The following CCND3 variants were observed in gnomAD, a reference collection of about 807,000 sequenced individuals.
The protein encoded by CCND3 is cyclin D3.
A neutral mutation model predicts 28.7 loss-of-function variants in CCND3; 9 were observed. The ratio of observed to expected loss-of-function variants is 0.31; its 90% CI spans 0.19 to 0.55. CCND3 has a LOEUF of 0.55. Ranked by LOEUF, CCND3 falls within the 20% of genes least tolerant of loss-of-function variation. The pLI is 0.93. For synonymous variants in CCND3, 164 were observed against 163.9 expected (o/e 1.00, Z 0.00); for missense variants, 315 against 385.8 (o/e 0.82, Z 1.54).
In CCND3 at chr6:41,953,952, T is replaced by A. The variant is rs145502029; in HGVS notation, c.-45-13367A>T. ...GTTTGAAAAAAAAATAAATCTCATTTAAAAAAAATTTTTGGTGGCCGGGGG... is the reference window on the plus strand; with the variant it reads ...GTTTGAAAAAAAAATAAATCTCATTAAAAAAAAATTTTTGGTGGCCGGGGG... On this transcript the variant is annotated intron_variant, in intron 1 of 4. Transcript: ENST00000372988. Among the ~76,000 whole-genome samples the A allele has an allele frequency of 4.6e-5, 7 of 151,924 alleles. No homozygotes were observed. The East Asian group carries it at 1.4e-3, about 29-fold the overall frequency.
chr6:41,993,412 T>TC (rs1554164269), intron 1 of CCND3, among the ~76,000 whole-genome samples: 2 of 30,246 alleles, frequency 6.6e-5, no homozygotes, highest in African/African-American at 9.2e-5. Flanking sequence ...CATGTCTTCT[T>TC]TTTTTTTTTT....
At chr6:41,974,918 G>C (rs566428095) in intron 1 of CCND3, among the ~76,000 whole-genome samples, 124 of 148,694 alleles carry the variant, frequency 8.3e-4, no homozygotes, top group Non-Finnish European at 1.5e-3. Context: ...TCAGCCTCCC[G>C]AGTAGGTGGG....
At position 42,046,805 on chromosome 6, in the gene CCND3, C is replaced by T. The variant is rs550148796; in HGVS notation, c.-46+1696G>A. Among the ~76,000 whole-genome samples the T allele has an allele frequency of 5.3e-5, 8 of 152,332 alleles. No individual in the cohort carries two copies. In the South Asian group the frequency reaches 1.7e-3, roughly 32 times the overall value. ...ATCATCCAAGATACAGGACCACAGA[C>T]TCCCTTTAGGAAACTCCTAAGTTCC... On this transcript the variant is annotated intron_variant, in intron 1 of 4. Coordinates refer to the CCND3 transcript ENST00000372988.
intron 1 of CCND3, among the ~76,000 whole-genome samples, chr6:41,968,736 A>G (rs964704534): frequency 6.6e-6 from 1 of 152,208 alleles, no homozygotes; most frequent in Non-Finnish European, 1.5e-5. Flanking sequence ...ATTTCATTTC[A>G]AAATCTAAAT....
intron 1 of CCND3, among the ~76,000 whole-genome samples, chr6:41,983,261 C>T (rs1185193512): frequency 1.3e-5 from 2 of 151,616 alleles, no homozygotes; most frequent in African/African-American, 4.8e-5. Context: ...GCCTGTAATC[C>T]CAGCTACTCG....
At chr6:41,956,429 C>T (rs1333947394) in intron 1 of CCND3, among the ~76,000 whole-genome samples, 1 of 152,206 alleles carries the variant, frequency 6.6e-6, no homozygotes, top group Non-Finnish European at 1.5e-5. Context: ...CCTCCATTAC[C>T]AACCTGGCCA....
At chr6:42,041,685 A>T (rs1448046523) in intron 1 of CCND3, among the ~76,000 whole-genome samples, 3 of 152,202 alleles carry the variant, frequency 2.0e-5, no homozygotes, top group African/African-American at 7.2e-5. Context: ...CACTTGCCAG[A>T]GTAGAATAAA....
chr6:41,975,344 C>A (rs1023575259), intron 1 of CCND3, among the ~76,000 whole-genome samples: 3 of 152,146 alleles, frequency 2.0e-5, no homozygotes, highest in African/African-American at 7.2e-5. Flanking sequence ...TCTGTGGCTG[C>A]ATGGGTGGTG....
chr6:41,937,076 G>C (rs568275096), intron 3 of CCND3, 159 bp downstream of exon 3: 1 of 768,946 alleles, frequency 1.3e-6, no homozygotes, highest in African/African-American at 1.7e-5. Flanking sequence ...CCATATAGCT[G>C]ATTATAACCT....
upstream of CCND3, among the ~76,000 whole-genome samples, chr6:41,943,911 T>C (rs1262445613): frequency 6.6e-6 from 1 of 152,236 alleles, no homozygotes; most frequent in Non-Finnish European, 1.5e-5. Context: ...CTTATTGACT[T>C]ATAAGTTCTC....
Position 41,941,764 on chromosome 6 carries a change from T to G in CCND3, c.-115A>C. On this transcript the variant is annotated 5_prime_UTR_variant, in exon 1 of 5. Coordinates refer to ENST00000372991, the MANE Select transcript of CCND3 (RefSeq NM_001760.5). The surrounding 1 kb of genome is among the most constrained non-coding windows in gnomAD (Gnocchi z 6.1). ...GCTGGCGCTGGCACTGCGCGGCGGA[T>G]CCCCAGCCCGCCCGCCGCCCGCGCG... The G allele has an allele frequency of 1.6e-6, 1 of 636,566 alleles. No homozygotes were observed. Among genetic ancestry groups the G allele is most frequent in the Admixed American group, 5.7e-5 (1 of 17,398 alleles). 39.4% of individuals were successfully genotyped at this position (636,566 alleles called of 1,614,324 possible). A position where few individuals can be genotyped will look rare whatever the true frequency, so the allele number is the denominator to read the frequency against.
intron 1 of CCND3, among the ~76,000 whole-genome samples, chr6:42,042,349 T>C (rs1409145611): frequency 4.8e-5 from 7 of 145,664 alleles, no homozygotes; most frequent in Admixed American, 2.8e-4. Context: ...TAGGGAAGCG[T>C]AGGCTCGGAA....
At chr6:42,037,913 C>T (rs1053648733) in intron 1 of CCND3, among the ~76,000 whole-genome samples, 2 of 151,738 alleles carry the variant, frequency 1.3e-5, no homozygotes, top group African/African-American at 2.4e-5. Context: ...TGCCTGTAAT[C>T]CCAGCTACTC....
chr6:41,975,851 G>GT (rs199721846), intron 1 of CCND3, among the ~76,000 whole-genome samples: 9,094 of 150,148 alleles, frequency 0.061, 422 homozygotes, highest in Middle Eastern at 0.11. Flanking sequence ...GTTTTTGTCT[G>GT]TTTTTTTTGA....
intron 1 of CCND3, among the ~76,000 whole-genome samples, chr6:42,036,312 A>ATATATATATATC (rs1322846978): frequency 4.2e-4 from 57 of 135,908 alleles, no homozygotes; most frequent in South Asian, 1.4e-3. Context: ...TTATTTATAT[A>ATATATATATATC]TATATATATA....
chr6:41,959,161 G>A (rs1165565672), intron 1 of CCND3, among the ~76,000 whole-genome samples: 3 of 151,724 alleles, frequency 2.0e-5, no homozygotes, highest in Non-Finnish European at 4.4e-5. Flanking sequence ...CTAAAAATAC[G>A]AAATTAGCTG....
chr6:42,046,757 T>A (rs1271724587), intron 1 of CCND3, among the ~76,000 whole-genome samples: 1 of 152,166 alleles, frequency 6.6e-6, no homozygotes, highest in Non-Finnish European at 1.5e-5. Context: ...ACCAGCCCTA[T>A]GGCTCAGCTA....
At chr6:42,026,273 T>TC (rs1188551939) in intron 1 of CCND3, among the ~76,000 whole-genome samples, 2 of 150,944 alleles carry the variant, frequency 1.3e-5, no homozygotes, top group Non-Finnish European at 1.5e-5. Context: ...ACAGACCCTC[T>TC]CCCCCCGCCG....
At chr6:42,049,350 T>C (rs1021046584), upstream of CCND3, among the ~76,000 whole-genome samples, 15 of 152,210 alleles carry the variant, frequency 9.9e-5, no homozygotes, top group African/African-American at 3.6e-4. Flanking sequence ...TTCTTGACTC[T>C]TACTACACGT....
Sources: gnomAD v4.1 joint callset for allele counts (sites outside exome capture counted in the v4.1 genomes callset) on GRCh38, gnomAD v4.1.1 for gene constraint, Gnocchi (gnomAD v3.1) non-coding constraint, MANE v1.5 for transcripts, NCBI Gene and HGNC (gene_info 2026-07-23, HGNC 2026-07-21) for gene names.